GRAMD1B: variants seen among roughly 807,000 people sequenced by gnomAD.
The protein encoded by GRAMD1B is protein Aster-B.
Under a neutral mutation model 99.7 loss-of-function variants are expected in GRAMD1B, and 37 were observed. The observed-to-expected ratio is 0.37, with a 90% CI of 0.29 to 0.49. GRAMD1B has a LOEUF of 0.49. Among genes scored for constraint, GRAMD1B ranks in the 20% least tolerant of loss-of-function variants. The pLI, the probability that GRAMD1B is intolerant of heterozygous loss-of-function variation, is 0.98. For synonymous variants in GRAMD1B, 427 were observed against 387.6 expected (o/e 1.10, Z -1.19); for missense variants, 888 against 1,009.2 (o/e 0.88, Z 1.63).
At chr11:123,413,313 C>A (rs1948116358) in intron 1 of GRAMD1B, among the ~76,000 whole-genome samples, 1 of 152,282 alleles carries the variant, frequency 6.6e-6, no homozygotes, top group Middle Eastern at 3.4e-3. Flanking sequence ...AGAAATGGAG[C>A]AAAGCATATT....
intron 2 of GRAMD1B, among the ~76,000 whole-genome samples, chr11:123,524,116 C>T (rs185590856): frequency 7.5e-4 from 114 of 152,090 alleles, no homozygotes; most frequent in African/African-American, 2.4e-3. Flanking sequence ...TGTTTTAGTT[C>T]GGTTTGAGTA....
At chr11:123,423,915 C>T (rs1591492384) in intron 1 of GRAMD1B, among the ~76,000 whole-genome samples, 3 of 152,212 alleles carry the variant, frequency 2.0e-5, no homozygotes, top group African/African-American at 7.2e-5. Flanking sequence ...CTCAGCACAG[C>T]GCCTGGCTTA....
intron 2 of GRAMD1B, among the ~76,000 whole-genome samples, chr11:123,500,235 C>A (rs960289279): frequency 6.6e-6 from 1 of 152,122 alleles, no homozygotes; most frequent in Non-Finnish European, 1.5e-5. Flanking sequence ...GCAGGAGAAT[C>A]GCTTGAACCC....
chr11:123,499,717 G>A lies in GRAMD1B; in HGVS notation c.452+18824G>A, dbSNP rs538287377. Among the ~76,000 whole-genome samples the A allele has an allele frequency of 4.5e-4, 68 of 152,302 alleles. 5 individuals are homozygous for A. The highest frequency in any genetic ancestry group is 1.5e-3 in the African/African-American group (63 of 41,554). ...TGACCCTGATTCAAATGGTGGTGGGGTGGGGAGATGGGCTGTGGGAGTAGA... is the reference window on the plus strand; with the variant it reads ...TGACCCTGATTCAAATGGTGGTGGGATGGGGAGATGGGCTGTGGGAGTAGA... On this transcript the variant is annotated intron_variant, in intron 2 of 19. Coordinates refer to ENST00000635736, the MANE Select transcript of GRAMD1B (RefSeq NM_001387025.1).
At chr11:123,419,337 T>C (rs548838091) in intron 1 of GRAMD1B, among the ~76,000 whole-genome samples, 1 of 152,266 alleles carries the variant, frequency 6.6e-6, no homozygotes, top group South Asian at 2.1e-4. Flanking sequence ...TATTTTTGGA[T>C]TAACAGCATC....
At chr11:123,402,207 G>C (rs1036118486) in intron 1 of GRAMD1B, among the ~76,000 whole-genome samples, 2 of 152,092 alleles carry the variant, frequency 1.3e-5, no homozygotes, top group Non-Finnish European at 2.9e-5. Context: ...GTAGAGACAG[G>C]GTTTCACCAT....
intron 1 of GRAMD1B, among the ~76,000 whole-genome samples, chr11:123,432,950 T>C (rs1012142907): frequency 1.3e-5 from 2 of 152,188 alleles, no homozygotes; most frequent in South Asian, 2.1e-4. Context: ...CCGTGGATTT[T>C]TGTGGACGCT....
intron 1 of GRAMD1B, among the ~76,000 whole-genome samples, chr11:123,391,000 TGAGTGTTACCG>T (rs555853655): frequency 3.5e-4 from 53 of 152,364 alleles, no homozygotes; most frequent in South Asian, 1.7e-3. Flanking sequence ...TCTAGGCCAC[TGAGTGTTACCG>T]GAGGGACGCA....
chr11:123,378,343 A>C (rs1946759706), intron 1 of GRAMD1B, among the ~76,000 whole-genome samples: 1 of 152,204 alleles, frequency 6.6e-6, no homozygotes, highest in Non-Finnish European at 1.5e-5. Context: ...CCCTAGCTGA[A>C]TATTTCATGA....
chr11:123,576,289 C>G (rs549567526), intron 2 of GRAMD1B, among the ~76,000 whole-genome samples: 4 of 152,338 alleles, frequency 2.6e-5, no homozygotes, highest in African/African-American at 9.6e-5. Flanking sequence ...GTTCCTGAAG[C>G]CTGACCCAGC....
At chr11:123,496,665 T>C (rs1362029983) in intron 2 of GRAMD1B, among the ~76,000 whole-genome samples, 2 of 151,636 alleles carry the variant, frequency 1.3e-5, no homozygotes, top group African/African-American at 4.9e-5. Context: ...CTAACTGTAT[T>C]TTCATATTTC....
chr11:123,437,888 C>T (rs191827401), intron 1 of GRAMD1B, among the ~76,000 whole-genome samples: 1 of 152,274 alleles, frequency 6.6e-6, no homozygotes, highest in Admixed American at 6.5e-5. Context: ...GAATGCTCTC[C>T]CCCTCAGCCC....
chr11:123,423,447 A>G (rs1948530550), intron 1 of GRAMD1B, among the ~76,000 whole-genome samples: 1 of 152,208 alleles, frequency 6.6e-6, no homozygotes, highest in Admixed American at 6.5e-5. Flanking sequence ...AACACTTAGT[A>G]GATGCTCAAA....
At chr11:123,580,747 G>A (rs779868802) in intron 3 of GRAMD1B, among the ~76,000 whole-genome samples, 10 of 152,192 alleles carry the variant, frequency 6.6e-5, no homozygotes, top group Non-Finnish European at 1.5e-4. Context: ...GCCACCAGAG[G>A]GAGCGAGGGG....
chr11:123,497,499 T>G (rs1359660373), intron 2 of GRAMD1B, among the ~76,000 whole-genome samples: 3 of 152,202 alleles, frequency 2.0e-5, no homozygotes, highest in Non-Finnish European at 4.4e-5. Context: ...TGGCCCTCCC[T>G]TCAGGGCAGC....
At chr11:123,441,748 A>G (rs1406171765) in intron 1 of GRAMD1B, among the ~76,000 whole-genome samples, 1 of 152,116 alleles carries the variant, frequency 6.6e-6, no homozygotes, top group Non-Finnish European at 1.5e-5. Context: ...GTGAGCCATG[A>G]CCACGCCACT....
At chr11:123,518,928 G>A (rs555835880) in intron 2 of GRAMD1B, among the ~76,000 whole-genome samples, 2 of 152,334 alleles carry the variant, frequency 1.3e-5, no homozygotes, top group South Asian at 4.1e-4. Flanking sequence ...AAGCCTGGCG[G>A]GAGGTGATTC....
chr11:123,580,712 T>G (rs972469382), intron 3 of GRAMD1B, among the ~76,000 whole-genome samples: 2 of 152,172 alleles, frequency 1.3e-5, no homozygotes, highest in African/African-American at 2.4e-5. Context: ...ACCGCCCAGC[T>G]TCCGCTCTGT....
intron 2 of GRAMD1B, among the ~76,000 whole-genome samples, chr11:123,576,580 G>A (rs1324443760): frequency 6.6e-6 from 1 of 152,190 alleles, no homozygotes; most frequent in African/African-American, 2.4e-5. Flanking sequence ...CTTGATGTAA[G>A]TGGATTTGGT....
Sources: allele counts gnomAD v4.1 joint callset (sites outside exome capture counted in the v4.1 genomes callset), GRCh38; gene constraint gnomAD v4.1.1; transcripts MANE v1.5; gene names NCBI Gene and HGNC (gene_info 2026-07-23, HGNC 2026-07-21).